The following POLB variants were observed in gnomAD, a reference collection of about 807,000 sequenced individuals.
POLB encodes the protein DNA polymerase beta.
A neutral mutation model predicts 52.7 loss-of-function variants in POLB; 37 were observed. The observed-to-expected ratio is 0.70, with a 90% CI of 0.54 to 0.92. The LOEUF (loss-of-function observed/expected upper bound fraction) is 0.92, where lower values mean the gene tolerates loss of function less well. Ranked by LOEUF, POLB falls within the 40% of genes least tolerant of loss-of-function variation. The pLI is 0.00. For synonymous variants in POLB, 138 were observed against 131.3 expected (o/e 1.05, Z -0.35); for missense variants, 313 against 400.8 (o/e 0.78, Z 1.87).
intron 2 of POLB, chr8:42,342,503 T>C: frequency 1.0e-6 from 1 of 980,196 alleles, no homozygotes. Context: ...TTGGGTGTGT[T>C]GTATTTATTT....
rs1265763419 is a variant in POLB, at chr8:42,362,709, G to A, written c.708+11G>A. The A allele has an allele frequency of 1.3e-6, 2 of 1,502,818 alleles. No homozygotes were observed. Among genetic ancestry groups the A allele is most frequent in the South Asian group, 2.3e-5 (2 of 88,066 alleles). The allele number at this position is 1,502,818 out of a possible 1,614,324, so 93.1% of individuals were successfully genotyped here. A position where few individuals can be genotyped will look rare whatever the true frequency, so the allele number is the denominator to read the frequency against. On this transcript the variant is annotated intron_variant, in intron 11 of 13. Transcript: ENST00000265421. ...GAGACAAAGTTCATGGTAAGTACTT[G>A]TTAGAGTTAGCACATCTAAAAAAAA...
chr8:42,363,905 T>C lies in POLB; in HGVS notation c.708+1207T>C, dbSNP rs867407752. ...GTATAAACACCAACAGGAAGGCAGA[T>C]AGAAATCTAGAATTACGATTCTTTT... On this transcript the variant is annotated intron_variant, in intron 11 of 13. Transcript: ENST00000265421. Among the ~76,000 whole-genome samples the C allele has an allele frequency of 1.0e-4, 15 of 150,634 alleles. No individual in the cohort carries two copies. The South Asian group carries it at 1.3e-3, about 13-fold the overall frequency.
In POLB at chr8:42,338,534, C is replaced by A. The variant is rs1313424258; in HGVS notation, c.-91C>A. On this transcript the variant is annotated 5_prime_UTR_variant, in exon 1 of 14. Transcript: ENST00000265421. ...GCGCCGGAGCTGGGTTGCTCCTGCT[C>A]CCGTCTCCAAGTCCTGGTACCTCCT... 4 of 1,178,098 alleles carry A rather than the reference C, an allele frequency of 3.4e-6. No homozygotes were observed. Among genetic ancestry groups the A allele is most frequent in the South Asian group, 2.4e-5 (2 of 82,078 alleles). The allele number at this position is 1,178,098 out of a possible 1,614,324, so 73.0% of individuals were successfully genotyped here.
At chr8:42,344,706 T>C (rs572106087) in intron 2 of POLB, among the ~76,000 whole-genome samples, 40 of 151,570 alleles carry the variant, frequency 2.6e-4, no homozygotes, top group Admixed American at 8.6e-4. Context: ...TCCCAGCTAC[T>C]CGGGAGGCTG....
intron 7 of POLB, 70 bp downstream of exon 7, chr8:42,355,637 A>C (rs1585894705): frequency 2.3e-6 from 2 of 876,904 alleles, no homozygotes; most frequent in Non-Finnish European, 1.9e-6. Context: ...TCTTTTATAC[A>C]CCAGAAGGAC....
chr8:42,359,253 C>T (rs984075896), intron 9 of POLB, among the ~76,000 whole-genome samples: 3 of 152,106 alleles, frequency 2.0e-5, no homozygotes, highest in African/African-American at 7.2e-5. Flanking sequence ...CTCTCCCTTT[C>T]TTTCATAAAG....
rs989247441 is a variant in POLB, at chr8:42,357,229, A to T, written c.477+6A>T. On this transcript the variant is annotated splice_donor_region_variant and intron_variant, in intron 8 of 13. Coordinates refer to ENST00000265421, the MANE Select transcript of POLB (RefSeq NM_002690.3). Reference sequence around the variant, plus strand: ...AAGAGATGTTACAAATGCAAGTAAGATGTGTCAAATTATATTCTTTGATTA... The same window carrying T: ...AAGAGATGTTACAAATGCAAGTAAGTTGTGTCAAATTATATTCTTTGATTA... 6.5e-7 allele frequency: 1 copy of T among 1,539,682 alleles called. No homozygotes were observed. Among genetic ancestry groups the T allele is most frequent in the Non-Finnish European group, 9.0e-7 (1 of 1,113,702 alleles).
At chr8:42,339,607 T>C (rs1822065455) in intron 2 of POLB, 1 of 152,482 alleles carries the variant, frequency 6.6e-6, no homozygotes, top group Non-Finnish European at 1.5e-5. Flanking sequence ...CTCGCTGTGG[T>C]ATGATCATGG....
chr8:42,343,369 T>TATATATACAC (rs761101423), intron 2 of POLB, among the ~76,000 whole-genome samples: 4,867 of 35,502 alleles, frequency 0.14, 750 homozygotes, highest in Non-Finnish European at 0.24. Flanking sequence ...TATATATATA[T>TATATATACAC]ACACAAAATT....
At chr8:42,352,783 GA>G (rs909994114) in intron 6 of POLB, among the ~76,000 whole-genome samples, 1 of 152,118 alleles carries the variant, frequency 6.6e-6, no homozygotes, top group Non-Finnish European at 1.5e-5. Context: ...AGAAAACTAA[GA>G]AGACCAAGAA....
chr8:42,350,096 G>A (rs768985449), intron 5 of POLB, 31 bp downstream of exon 5: 93 of 1,430,564 alleles, frequency 6.5e-5, no homozygotes, highest in Non-Finnish European at 8.3e-5. Context: ...AGACACAATC[G>A]TCAGTTAGTT....
chr8:42,355,828 G>T (rs1328049223), intron 7 of POLB, among the ~76,000 whole-genome samples: 1 of 152,112 alleles, frequency 6.6e-6, no homozygotes, highest in East Asian at 1.9e-4. Context: ...AAAATACCTA[G>T]GACTGAGTGT....
chr8:42,364,525 G>A (rs1301265516), intron 11 of POLB, among the ~76,000 whole-genome samples: 10 of 152,052 alleles, frequency 6.6e-5, no homozygotes, highest in African/African-American at 1.7e-4. Flanking sequence ...CACTGTGCCC[G>A]GGCCTCTTCT....
intron 3 of POLB, among the ~76,000 whole-genome samples, chr8:42,346,876 T>G (rs1206556556): frequency 6.6e-6 from 1 of 152,240 alleles, no homozygotes; most frequent in East Asian, 1.9e-4. Flanking sequence ...TAGACAGTTC[T>G]CAGCATCAGT....
chr8:42,354,689 G>A lies in POLB; in HGVS notation c.371-827G>A, dbSNP rs566552342. Among the ~76,000 whole-genome samples, 10 of 152,036 alleles carry A rather than the reference G, an allele frequency of 6.6e-5. No individual in the cohort carries two copies. The South Asian group carries it at 1.0e-3, about 16-fold the overall frequency. Reference sequence around the variant, plus strand: ...CTCCTGAGTAGCTGGGATTACAGGCGCGCACCACCATGCCTGGCTAATTTT... The same window carrying A: ...CTCCTGAGTAGCTGGGATTACAGGCACGCACCACCATGCCTGGCTAATTTT... On this transcript the variant is annotated intron_variant, in intron 6 of 13. Coordinates refer to ENST00000265421, the MANE Select transcript of POLB (RefSeq NM_002690.3).
intron 6 of POLB, among the ~76,000 whole-genome samples, chr8:42,354,834 G>A (rs1203501549): frequency 6.6e-6 from 1 of 151,960 alleles, no homozygotes; most frequent in Non-Finnish European, 1.5e-5. Flanking sequence ...GAGCCACTGT[G>A]CCCGGCTCAA....
intron 11 of POLB, 74 bp downstream of exon 11, chr8:42,362,772 C>T (rs1008411081): frequency 1.9e-5 from 14 of 754,198 alleles, no homozygotes; most frequent in Non-Finnish European, 3.0e-5. Context: ...GAGTGTGTGA[C>T]TTCATGGTAG....
chr8:42,351,679 G>C (rs944122776), intron 5 of POLB, among the ~76,000 whole-genome samples: 3 of 152,164 alleles, frequency 2.0e-5, no homozygotes, highest in African/African-American at 7.2e-5. Context: ...AGCATCTTCA[G>C]TCATTTCTGA....
At chr8:42,360,960 A>T (rs1823639827) in intron 9 of POLB, 1 of 394,274 alleles carries the variant, frequency 2.5e-6, no homozygotes, top group African/African-American at 2.1e-5. Flanking sequence ...AGAGTTGTTC[A>T]TAGGTGTATT....
Sources: gnomAD v4.1 joint callset for allele counts (sites outside exome capture counted in the v4.1 genomes callset) on GRCh38, gnomAD v4.1.1 for gene constraint, MANE v1.5 for transcripts, NCBI Gene and HGNC (gene_info 2026-07-23, HGNC 2026-07-21) for gene names.